FGFR4: variants seen among roughly 807,000 people sequenced by gnomAD.
FGFR4 encodes the protein hydroxyaryl-protein kinase.
FGFR4 carries 63 observed loss-of-function variants against 89.9 expected under a neutral mutation model. The ratio of observed to expected loss-of-function variants is 0.70; its 90% CI spans 0.57 to 0.86. The LOEUF (loss-of-function observed/expected upper bound fraction) is 0.86. FGFR4 is among the 40% of genes least tolerant of loss of function. The pLI, the probability that FGFR4 is intolerant of heterozygous loss-of-function variation, is 0.00. For missense variants in FGFR4, 928 were observed against 1,106.7 expected (o/e 0.84, Z 2.29); for synonymous variants, 486 against 479.4 (o/e 1.01, Z -0.18).
At chr5:177,089,934 G>A (rs891827665) in intron 2 of FGFR4, 3 of 705,060 alleles carry the variant, frequency 4.3e-6, no homozygotes, top group African/African-American at 3.5e-5. Flanking sequence ...GGGCTGCAGA[G>A]CTGGTGGTGA....
chr5:177,092,499 G>A lies in FGFR4; in HGVS notation c.906G>A (p.Val302=). 1 of 1,587,006 alleles carries A rather than the reference G, an allele frequency of 6.3e-7. No homozygotes were observed. The highest frequency in any genetic ancestry group is 1.1e-5 in the South Asian group (1 of 87,990). Residue 302 remains valine (V), a synonymous_variant, in exon 7 of 18, where the codon GTG becomes GTA. Transcript: ENST00000292408. ...SSFGADGFPY[V]QVLKTADINS... is the part of the protein sequence containing the mutation. ...TCGGAGCCGACGGTTTCCCCTATGT[G>A]CAAGTCCTAAAGGTAAAAGGTGCAC...
rs772280627 is a variant in FGFR4 at position 177,089,674 on chromosome 5, C to T, written c.72C>T (p.Ala24=). The stretch of plus-strand genomic sequence containing the variant: ...GGCCTCCAGTCTTGTCCCTGGAGGC[C>T]TCTGAGGAAGTGGAGCTTGGTATGG... The part of the protein sequence containing the change: ...VPGPPVLSLE[A]SEEVELEPCL... The change falls in exon 2 of 18, where the codon GCC becomes GCT. Residue 24 remains alanine (A), a synonymous_variant. Coordinates refer to ENST00000292408, the MANE Select transcript of FGFR4 (RefSeq NM_213647.3). 6.2e-7 allele frequency: 1 copy of T among 1,613,804 alleles called. No individual in the cohort carries two copies. The highest frequency in any genetic ancestry group is 1.1e-5 in the South Asian group (1 of 91,040).
chr5:177,096,504 T>TC (rs1784568412), intron 15 of FGFR4, 100 bp from the exon 16 acceptor site: 2 of 1,539,598 alleles, frequency 1.3e-6, no homozygotes, highest in African/African-American at 2.7e-5. Context: ...AGGAGCCCAT[T>TC]CCCCAACAGC....
chr5:177,093,006 A>G lies in FGFR4; in HGVS notation c.1058-132A>G, dbSNP rs984250432. 1 of 1,363,548 alleles carries G rather than the reference A, an allele frequency of 7.3e-7. No homozygotes were observed. 84.5% of individuals were successfully genotyped at this position (1,363,548 alleles called of 1,614,324 possible). ...GAGGTGTGGGTGCCTGGGACTGGGC[A>G]TAACTACAGCTTCCTCCGTGTGTGT... is the stretch of plus-strand genomic sequence containing the variant. On this transcript the variant is annotated intron_variant, in intron 8 of 17. Coordinates refer to ENST00000292408, the MANE Select transcript of FGFR4 (RefSeq NM_213647.3). This position sits in a 1 kb window ranked among gnomAD's most constrained non-coding sequence, Gnocchi z 5.8.
At chr5:177,092,022 G>A (rs1369018646) in intron 6 of FGFR4, among the ~76,000 whole-genome samples, 1 of 152,240 alleles carries the variant, frequency 6.6e-6, no homozygotes, top group Non-Finnish European at 1.5e-5. Context: ...GGCAGAGGGC[G>A]CAGCCCGAGC....
intron 2 of FGFR4, chr5:177,089,904 A>G (rs1357339245): frequency 4.0e-6 from 3 of 748,080 alleles, no homozygotes; most frequent in East Asian, 2.7e-5. Flanking sequence ...CTGGCCTTGC[A>G]GGGCGCAGGG....
At position 177,095,946 on chromosome 5, in the gene FGFR4, C is replaced by T; in HGVS notation, c.1822-111C>T. The T allele has an allele frequency of 1.4e-6, 2 of 1,444,608 alleles. No homozygotes were observed. Among genetic ancestry groups the T allele is most frequent in the Admixed American group, 2.5e-5 (1 of 40,374 alleles). 89.5% of individuals were successfully genotyped at this position (1,444,608 alleles called of 1,614,324 possible). A position where few individuals can be genotyped will look rare whatever the true frequency, so the allele number is the denominator to read the frequency against. Reference sequence around the variant, plus strand: ...ACTCCCCGTTTCTAAACCTTGACCTCCTCCTCTGTAAAGTGGGTGGAGGGC... The same window carrying T: ...ACTCCCCGTTTCTAAACCTTGACCTTCTCCTCTGTAAAGTGGGTGGAGGGC... On this transcript the variant is annotated intron_variant, in intron 13 of 17. Coordinates refer to ENST00000292408, the MANE Select transcript of FGFR4 (RefSeq NM_213647.3). This position sits in a 1 kb window ranked among gnomAD's most constrained non-coding sequence, Gnocchi z 5.7.
rs1005634386 is a variant in FGFR4, at chr5:177,087,526, A to C, written c.-54+449A>C. On this transcript the variant is annotated intron_variant, in intron 1 of 17. Coordinates refer to ENST00000292408, the MANE Select transcript of FGFR4 (RefSeq NM_213647.3). This position sits in a 1 kb window ranked among gnomAD's most constrained non-coding sequence, Gnocchi z 6.1. Reference sequence around the variant, plus strand: ...GCGGGAGGCTGAAGGAGAACCCAGGACTGTCTGATGCCTAAGGCAGGCCCT... The same window carrying C: ...GCGGGAGGCTGAAGGAGAACCCAGGCCTGTCTGATGCCTAAGGCAGGCCCT... 5.2e-6 allele frequency: 5 copies of C among 960,648 alleles called. No homozygotes were observed. Among genetic ancestry groups the C allele is most frequent in the Non-Finnish European group, 6.2e-6 (5 of 807,456 alleles). The allele number at this position is 960,648 out of a possible 1,614,324, so 59.5% of individuals were successfully genotyped here.
chr5:177,096,029 G>A, intron 13 of FGFR4, 28 bp from the exon 14 acceptor site: 2 of 1,606,242 alleles, frequency 1.2e-6, no homozygotes, highest in African/African-American at 1.3e-5. Flanking sequence ...CAGGTGTCCT[G>A]AGGCACCCAA....
rs750209505 is a variant in FGFR4, at chr5:177,095,731, C to A, written c.1821+8C>A. 1 of 1,579,420 alleles carries A rather than the reference C, an allele frequency of 6.3e-7. No homozygotes were observed. Among genetic ancestry groups the A allele is most frequent in the South Asian group, 1.2e-5 (1 of 85,968 alleles). On this transcript the variant is annotated splice_region_variant and intron_variant, in intron 13 of 17. Transcript: ENST00000292408. The surrounding 1 kb of genome is among the most constrained non-coding windows in gnomAD (Gnocchi z 5.7). Reference sequence around the variant, plus strand: ...TATCTGGAGTCCCGGAAGGTACAGGCGCTAGGGCTCTGAGCCCCTCTCAGT... The same window carrying A: ...TATCTGGAGTCCCGGAAGGTACAGGAGCTAGGGCTCTGAGCCCCTCTCAGT...
chr5:177,092,398 C>G lies in FGFR4; in HGVS notation c.805C>G (p.Leu269Val), dbSNP rs2149733787. 6.2e-7 allele frequency: 1 copy of G among 1,608,162 alleles called. No homozygotes were observed. The highest frequency in any genetic ancestry group is 2.2e-5 in the East Asian group (1 of 44,696). Residue 269 changes from leucine (L) to valine (V), a missense_variant, in exon 7 of 18, where the codon CTG becomes GTG. Around this residue, in one of 5 missense-constraint regions of FGFR4, gnomAD observed 741 missense variants for 836.9 expected, o/e 0.89. Coordinates refer to ENST00000292408, the MANE Select transcript of FGFR4 (RefSeq NM_213647.3). Reference protein sequence around the residue: ...TTAVVGSDVELLCKVYSDAQP... With the variant: ...TTAVVGSDVEVLCKVYSDAQP... ...AGCCGTGGTGGGCAGCGACGTGGAG[C>G]TGCTGTGCAAGGTGTACAGCGATGC...
At position 177,095,775 on chromosome 5, in the gene FGFR4, A is replaced by G. The variant is rs1784537839; in HGVS notation, c.1821+52A>G. On this transcript the variant is annotated intron_variant, in intron 13 of 17. Coordinates refer to ENST00000292408, the MANE Select transcript of FGFR4 (RefSeq NM_213647.3). The surrounding 1 kb of genome is among the most constrained non-coding windows in gnomAD (Gnocchi z 5.7). The stretch of plus-strand genomic sequence containing the variant: ...TCTCAGTCTCTCCAGCTCCACTCTC[A>G]GGCCTGTGGCATTCAATGTCCCGAC... The G allele has an allele frequency of 1.4e-6, 2 of 1,476,804 alleles. No individual in the cohort carries two copies. The highest frequency in any genetic ancestry group is 1.4e-5 in the African/African-American group (1 of 71,124). The allele number at this position is 1,476,804 out of a possible 1,614,324, so 91.5% of individuals were successfully genotyped here. A position where few individuals can be genotyped will look rare whatever the true frequency, so the allele number is the denominator to read the frequency against.
chr5:177,097,119 T>A (rs1582021674), intron 16 of FGFR4, 173 bp from the exon 17 acceptor site: 2 of 505,428 alleles, frequency 4.0e-6, no homozygotes, highest in Non-Finnish European at 3.5e-6. Flanking sequence ...TTCCTCCTCC[T>A]CCTCTTCCTC....
rs779380798 is a variant in FGFR4, at chr5:177,096,139, G to T, written c.1904G>T (p.Arg635Leu). Reference protein sequence around the residue: ...VMKIADFGLARGVHHIDYYKK... With the variant: ...VMKIADFGLALGVHHIDYYKK... ...AAGATTGCTGACTTTGGGCTGGCCC[G>T]CGGCGTCCACCACATTGACTACTAT... Residue 635 changes from arginine (R) to leucine (L), a missense_variant, in exon 14 of 18, where the codon CGC (arginine) becomes CTC (leucine). By Grantham distance (102) the Arg-to-Leu change is moderately radical. This residue lies in a region of FGFR4 where 20 missense variants were observed against 17.3 expected (regional missense o/e 1.16). Coordinates refer to ENST00000292408, the MANE Select transcript of FGFR4 (RefSeq NM_213647.3). The T allele has an allele frequency of 3.1e-6, 5 of 1,614,042 alleles. No homozygotes were observed. Among genetic ancestry groups the T allele is most frequent in the African/African-American group, 1.3e-5 (1 of 74,922 alleles).
chr5:177,090,450 A>G lies in FGFR4; in HGVS notation c.152A>G (p.Gln51Arg), dbSNP rs1161701931. The G allele has an allele frequency of 3.7e-6, 6 of 1,605,482 alleles. No homozygotes were observed. The highest frequency in any genetic ancestry group is 4.2e-6 in the Non-Finnish European group (5 of 1,178,216). Residue 51 changes from glutamine to arginine, a missense_variant, in exon 3 of 18, where the codon CAG becomes CGG. Gln to Arg is a conservative substitution (Grantham distance 43, BLOSUM62 1). Transcript: ENST00000292408. Reference protein sequence around the residue: ...QEQELTVALGQPVRLCCGRAE... With the variant: ...QEQELTVALGRPVRLCCGRAE... The stretch of plus-strand genomic sequence containing the variant: ...CAGGAGCTGACAGTAGCCCTTGGGC[A>G]GCCTGTGCGTCTGTGCTGTGGGCGG...
In FGFR4 at chr5:177,093,459, C is replaced by T. The variant is rs371927755; in HGVS notation, c.1305C>T (p.Gly435=). ...AGTCAAGCTCATCCCTGGTACGAGG[C>T]GTGCGTCTCTCCTCCAGCGGCCCCG... ...SGKSSSSLVR[G]VRLSSSGPAL... The change falls in exon 10 of 18, where the codon GGC becomes GGT. Residue 435 remains glycine (G), a synonymous_variant. Coordinates refer to ENST00000292408, the MANE Select transcript of FGFR4 (RefSeq NM_213647.3). The surrounding 1 kb of genome is among the most constrained non-coding windows in gnomAD (Gnocchi z 5.8). 7.5e-5 allele frequency: 121 copies of T among 1,613,944 alleles called. No homozygotes were observed. Among genetic ancestry groups the T allele is most frequent in the Admixed American group, 1.2e-4 (7 of 60,012 alleles).
chr5:177,090,847 T>C (rs2149731462), intron 4 of FGFR4, 22 bp downstream of exon 4: 1 of 1,614,062 alleles, frequency 6.2e-7, no homozygotes, highest in Non-Finnish European at 8.5e-7. Context: ...TCCAAGGACT[T>C]GTGTCCCCGC....
rs1554163819 is a variant in FGFR4 at position 177,093,597 on chromosome 5, G to A, written c.1397+46G>A. Reference sequence around the variant, plus strand: ...GCAGGGACGCGGGCGCCGGGTTGCAGCCCGCCCTCCGCAGGAGTGACTCGG... The same window carrying A: ...GCAGGGACGCGGGCGCCGGGTTGCAACCCGCCCTCCGCAGGAGTGACTCGG... On this transcript the variant is annotated intron_variant, in intron 10 of 17. Coordinates refer to ENST00000292408, the MANE Select transcript of FGFR4 (RefSeq NM_213647.3). The surrounding 1 kb of genome is among the most constrained non-coding windows in gnomAD (Gnocchi z 5.8). 18 of 1,612,640 alleles carry A rather than the reference G, an allele frequency of 1.1e-5. No individual in the cohort carries two copies. In the South Asian group the frequency reaches 1.4e-4, roughly 13 times the overall value.
Position 177,090,770 on chromosome 5 carries a change from T to C in FGFR4, c.381T>C (p.Asp127=). The change falls in exon 4 of 18, where the codon GAT becomes GAC. Residue 127 remains aspartate (D), a synonymous_variant. Coordinates refer to ENST00000292408, the MANE Select transcript of FGFR4 (RefSeq NM_213647.3). ...ACTCCTTGACCTCCAGCAACGATGA[T>C]GAGGACCCCAAGTCCCATAGGGACC... The part of the protein sequence containing the change: ...TGDSLTSSND[D]EDPKSHRDPS... 6.2e-7 allele frequency: 1 copy of C among 1,610,944 alleles called. No individual in the cohort carries two copies. The highest frequency in any genetic ancestry group is 1.1e-5 in the South Asian group (1 of 90,904).
Sources: gnomAD v4.1 joint callset for allele counts (sites outside exome capture counted in the v4.1 genomes callset) on GRCh38, gnomAD v4.1.1 for gene constraint, gnomAD v4.1.1 regional missense constraint, Gnocchi (gnomAD v3.1) non-coding constraint, MANE v1.5 for transcripts, NCBI Gene and HGNC (gene_info 2026-07-23, HGNC 2026-07-21) for gene names.